The following SUPT3H variants were observed in gnomAD, a reference collection of about 807,000 sequenced individuals.
The protein encoded by SUPT3H is SPT3 homolog, SAGA and STAGA complex component.
Under a neutral mutation model 44.3 loss-of-function variants are expected in SUPT3H, and 44 were observed. That is an observed-to-expected ratio of 0.99 (90% CI 0.78 to 1.28). The LOEUF is 1.28. Among genes scored for constraint, SUPT3H ranks in the 50% most tolerant of loss-of-function variants. SUPT3H has a pLI of 0.00. For synonymous variants in SUPT3H, 124 were observed against 125.6 expected, an observed-to-expected ratio of 0.99 and a Z score of 0.09; for missense variants, 380 against 387.1, an observed-to-expected ratio of 0.98 and a Z score of 0.15.
At chr6:45,296,078 C>T (rs569047194) in intron 2 of SUPT3H, among the ~76,000 whole-genome samples, 2 of 151,906 alleles carry the variant, frequency 1.3e-5, no homozygotes, top group South Asian at 2.1e-4. Flanking sequence ...AACCCAGATG[C>T]CCATCAATCA....
At chr6:44,866,021 A>G (rs1345026185) in intron 10 of SUPT3H, among the ~76,000 whole-genome samples, 2 of 152,070 alleles carry the variant, frequency 1.3e-5, no homozygotes, top group African/African-American at 4.8e-5. Context: ...CTTTCTCCTC[A>G]GAAACAGGTC....
intron 10 of SUPT3H, among the ~76,000 whole-genome samples, chr6:44,882,263 G>A (rs1186416918): frequency 4.6e-5 from 7 of 152,208 alleles, no homozygotes; most frequent in South Asian, 2.1e-4. Flanking sequence ...ACACCTCTAC[G>A]CAAATAAACT....
intron 2 of SUPT3H, among the ~76,000 whole-genome samples, chr6:45,331,663 T>TA (rs1787542163): frequency 6.6e-6 from 1 of 152,062 alleles, no homozygotes; most frequent in African/African-American, 2.4e-5. Context: ...TTTTTATTTT[T>TA]AAAAAATGTT....
chr6:45,082,296 T>C (rs573601802), intron 3 of SUPT3H, among the ~76,000 whole-genome samples: 3 of 152,038 alleles, frequency 2.0e-5, no homozygotes, highest in Admixed American at 6.6e-5. Context: ...TCTATGAAAC[T>C]AGCATCACTC....
chr6:45,207,337 C>T lies in SUPT3H; in HGVS notation c.102-101331G>A, dbSNP rs150211788. ...AGCAATATAAAGGTCAGTGGTGAAC[C>T]TGAGAAGAGCAGCTTTGGTGGAGTG... is the stretch of plus-strand genomic sequence containing the variant. On this transcript the variant is annotated intron_variant, in intron 2 of 10. Coordinates refer to ENST00000371459, the MANE Select transcript of SUPT3H (RefSeq NM_003599.4). Among the ~76,000 whole-genome samples, 26 of 152,204 alleles carry T rather than the reference C, an allele frequency of 1.7e-4. No individual in the cohort carries two copies. The East Asian group carries it at 5.0e-3, about 29-fold the overall frequency.
intron 5 of SUPT3H, among the ~76,000 whole-genome samples, chr6:45,013,131 C>T (rs1783743765): frequency 6.6e-6 from 1 of 152,094 alleles, no homozygotes; most frequent in Non-Finnish European, 1.5e-5. Context: ...ATTGATTGAT[C>T]TAAATAATGT....
At chr6:45,009,212 T>C (rs1337878253) in intron 5 of SUPT3H, among the ~76,000 whole-genome samples, 4 of 152,168 alleles carry the variant, frequency 2.6e-5, no homozygotes, top group Non-Finnish European at 4.4e-5. Flanking sequence ...TTTCTTCCAT[T>C]CTGTGGTTTG....
chr6:45,340,023 G>A (rs1789428433), intron 2 of SUPT3H, among the ~76,000 whole-genome samples: 1 of 152,164 alleles, frequency 6.6e-6, no homozygotes, highest in Admixed American at 6.5e-5. Context: ...CAAGGTTACA[G>A]AGTTGAAGAG....
intron 2 of SUPT3H, among the ~76,000 whole-genome samples, chr6:45,132,458 CAGGAT>C (rs1355770184): frequency 6.6e-6 from 1 of 152,146 alleles, no homozygotes; most frequent in Admixed American, 6.5e-5. Context: ...AAATAAATGA[CAGGAT>C]AGAAGAGCAA....
chr6:45,141,648 C>A (rs367554911), intron 2 of SUPT3H, among the ~76,000 whole-genome samples: 27 of 45,730 alleles, frequency 5.9e-4, no homozygotes, highest in African/African-American at 2.9e-3. Context: ...ACCCAAAAGA[C>A]AAAGACAAAA....
chr6:45,079,863 G>C (rs1294892013), intron 3 of SUPT3H, among the ~76,000 whole-genome samples: 5 of 152,124 alleles, frequency 3.3e-5, no homozygotes, highest in African/African-American at 9.7e-5. Flanking sequence ...AACTCACTAG[G>C]AATACTCTAT....
intron 6 of SUPT3H, among the ~76,000 whole-genome samples, chr6:44,979,559 T>C (rs1328446384): frequency 1.3e-5 from 2 of 152,058 alleles, no homozygotes; most frequent in South Asian, 2.1e-4. Context: ...GGGAAATCAA[T>C]GTTCTATGTA....
At chr6:45,310,638 G>T (rs1783792963) in intron 2 of SUPT3H, among the ~76,000 whole-genome samples, 1 of 152,180 alleles carries the variant, frequency 6.6e-6, no homozygotes, top group Non-Finnish European at 1.5e-5. Flanking sequence ...CCAGCCAGGA[G>T]CTGGGTAGAC....
rs1300449242 is a variant in SUPT3H, at chr6:44,831,532, A to C, written c.913-1675T>G. On this transcript the variant is annotated intron_variant, in intron 10 of 10. Coordinates refer to ENST00000371459, the MANE Select transcript of SUPT3H (RefSeq NM_003599.4). ...CTACCACCACGGCTGCCTTACAGAGAGGCTTATGCCAAAGTAATACTCTTA... is the reference window on the plus strand; with the variant it reads ...CTACCACCACGGCTGCCTTACAGAGCGGCTTATGCCAAAGTAATACTCTTA... Among the ~76,000 whole-genome samples the C allele has an allele frequency of 3.9e-5, 6 of 152,206 alleles. No individual in the cohort carries two copies. In the South Asian group the frequency reaches 8.3e-4, roughly 21 times the overall value.
chr6:44,907,869 T>C (rs900254907), intron 10 of SUPT3H, among the ~76,000 whole-genome samples: 3 of 152,150 alleles, frequency 2.0e-5, no homozygotes, highest in Non-Finnish European at 4.4e-5. Flanking sequence ...ATCTATATTT[T>C]CCTCAATGTT....
At chr6:45,232,783 AG>A (rs945087194) in intron 2 of SUPT3H, among the ~76,000 whole-genome samples, 8 of 152,238 alleles carry the variant, frequency 5.3e-5, no homozygotes, top group African/African-American at 1.9e-4. Flanking sequence ...CATAAGGGTT[AG>A]GGGGAGGCAC....
intron 2 of SUPT3H, among the ~76,000 whole-genome samples, chr6:45,362,446 T>G (rs534557628): frequency 6.6e-6 from 1 of 152,242 alleles, no homozygotes; most frequent in South Asian, 2.1e-4. Context: ...AAAATAAACA[T>G]AGCAGAATAA....
chr6:45,322,218 C>T (rs904905263), intron 2 of SUPT3H, among the ~76,000 whole-genome samples: 7 of 151,804 alleles, frequency 4.6e-5, no homozygotes, highest in East Asian at 3.9e-4. Flanking sequence ...AAGTTTTAAT[C>T]ATCCCATAAA....
chr6:45,112,640 T>C (rs1800233883), intron 2 of SUPT3H, among the ~76,000 whole-genome samples: 1 of 152,064 alleles, frequency 6.6e-6, no homozygotes, highest in Non-Finnish European at 1.5e-5. Context: ...GCTGATTAAG[T>C]TTCTAACAGA....
Sources: gnomAD v4.1 joint callset for allele counts (sites outside exome capture counted in the v4.1 genomes callset) on GRCh38, gnomAD v4.1.1 for gene constraint, MANE v1.5 for transcripts, NCBI Gene and HGNC (gene_info 2026-07-23, HGNC 2026-07-21) for gene names.